The following NSMCE2 variants were observed in gnomAD, a reference collection of about 807,000 sequenced individuals.
NSMCE2 encodes NSE2 SUMO ligase component of SMC5/6 complex, also known as E3 SUMO-protein ligase NSE2.
A neutral mutation model predicts 23.8 loss-of-function variants in NSMCE2; 24 were observed. That is an observed-to-expected ratio of 1.01 (90% CI 0.73 to 1.42). The LOEUF is 1.42. NSMCE2 is among the 40% of genes most tolerant of loss of function. The pLI, the probability that NSMCE2 is intolerant of heterozygous loss-of-function variation, is 0.00. For synonymous variants in NSMCE2, 92 were observed against 94.1 expected (o/e 0.98, Z 0.13); for missense variants, 284 against 296.5 (o/e 0.96, Z 0.31).
intron 5 of NSMCE2, among the ~76,000 whole-genome samples, chr8:125,196,184 C>A (rs181006382): frequency 6.7e-6 from 1 of 150,246 alleles, no homozygotes; most frequent in African/African-American, 2.4e-5. Flanking sequence ...AAGTGCAGCC[C>A]TGGATAACTT....
At chr8:125,144,367 C>T (rs553343420) in intron 3 of NSMCE2, among the ~76,000 whole-genome samples, 2 of 152,338 alleles carry the variant, frequency 1.3e-5, no homozygotes, top group East Asian at 3.9e-4. Flanking sequence ...CCATGCCCAC[C>T]TGGATTTGGG....
chr8:125,356,793 T>C lies in NSMCE2; in HGVS notation c.419-426T>C, dbSNP rs73338860. ...AATTGTAATGACTGTTTATTGATTA[T>C]TGCTTTGTACCATGAGCTGTGCAAA... On this transcript the variant is annotated intron_variant, in intron 5 of 7. Coordinates refer to ENST00000287437, the MANE Select transcript of NSMCE2 (RefSeq NM_173685.4). Among the ~76,000 whole-genome samples the C allele has an allele frequency of 6.3e-3, 956 of 152,316 alleles. 8 individuals carry two copies. The highest frequency in any genetic ancestry group is 0.022 in the African/African-American group (928 of 41,564).
At chr8:125,272,715 T>TAA (rs1343444037) in intron 5 of NSMCE2, among the ~76,000 whole-genome samples, 11 of 122,338 alleles carry the variant, frequency 9.0e-5, no homozygotes, top group South Asian at 2.2e-4. Context: ...TATATATATA[T>TAA]AATATATATA....
intron 4 of NSMCE2, among the ~76,000 whole-genome samples, chr8:125,151,678 C>T (rs938182070): frequency 6.6e-6 from 1 of 152,118 alleles, no homozygotes; most frequent in African/African-American, 2.4e-5. Flanking sequence ...TTGCCAAATT[C>T]TTAGAATCAG....
chr8:125,146,846 T>C (rs1318388668), intron 3 of NSMCE2, among the ~76,000 whole-genome samples: 1 of 151,830 alleles, frequency 6.6e-6, no homozygotes, highest in African/African-American at 2.4e-5. Context: ...TGTATACATA[T>C]GTAACAGACC....
At chr8:125,324,487 G>A (rs1248694556) in intron 5 of NSMCE2, among the ~76,000 whole-genome samples, 1 of 97,366 alleles carries the variant, frequency 1.0e-5, no homozygotes, top group African/African-American at 4.2e-5. Context: ...AAAAAATGAG[G>A]ACTATTGATA....
At chr8:125,122,869 G>A (rs1009791567) in intron 3 of NSMCE2, among the ~76,000 whole-genome samples, 3 of 151,984 alleles carry the variant, frequency 2.0e-5, no homozygotes, top group African/African-American at 7.2e-5. Flanking sequence ...TTGGGGCTTC[G>A]TGTTCCAGTC....
chr8:125,337,978 A>G (rs1487774036), intron 5 of NSMCE2, among the ~76,000 whole-genome samples: 1 of 152,006 alleles, frequency 6.6e-6, no homozygotes, highest in South Asian at 2.1e-4. Flanking sequence ...TTTTTAAGAT[A>G]GTCTGATTCC....
intron 5 of NSMCE2, among the ~76,000 whole-genome samples, chr8:125,228,588 A>G (rs999021107): frequency 6.6e-6 from 1 of 152,220 alleles, no homozygotes. Context: ...AAGGCAGTAC[A>G]GGGCATTTGA....
At chr8:125,295,013 G>A (rs764425442) in intron 5 of NSMCE2, among the ~76,000 whole-genome samples, 4 of 152,072 alleles carry the variant, frequency 2.6e-5, no homozygotes, top group Non-Finnish European at 5.9e-5. Flanking sequence ...TCTCATTGTG[G>A]GCCAATAATC....
At chr8:125,254,072 T>C (rs1409911944) in intron 5 of NSMCE2, among the ~76,000 whole-genome samples, 3 of 152,198 alleles carry the variant, frequency 2.0e-5, no homozygotes, top group African/African-American at 7.2e-5. Context: ...AAACTACCTT[T>C]TTTTATTCAG....
chr8:125,111,720 A>C (rs1818759985), intron 3 of NSMCE2, among the ~76,000 whole-genome samples: 1 of 152,158 alleles, frequency 6.6e-6, no homozygotes. Flanking sequence ...GAATTGCTTG[A>C]ACCCAGGAGG....
At chr8:125,323,686 T>C (rs1382131187) in intron 5 of NSMCE2, among the ~76,000 whole-genome samples, 1 of 152,218 alleles carries the variant, frequency 6.6e-6, no homozygotes, top group African/African-American at 2.4e-5. Flanking sequence ...TAACTCAAAG[T>C]GGATCATATA....
At chr8:125,133,177 TG>T (rs1177784762) in intron 3 of NSMCE2, among the ~76,000 whole-genome samples, 1 of 152,252 alleles carries the variant, frequency 6.6e-6, no homozygotes, top group Non-Finnish European at 1.5e-5. Flanking sequence ...GATGATAATT[TG>T]TAGCTGAAAT....
chr8:125,266,056 A>G (rs1019782529), intron 5 of NSMCE2, among the ~76,000 whole-genome samples: 2 of 150,006 alleles, frequency 1.3e-5, no homozygotes, highest in Non-Finnish European at 3.0e-5. Context: ...AATATAGCTA[A>G]CCCTGTGTGA....
chr8:125,186,212 A>G (rs1823094273), intron 5 of NSMCE2, among the ~76,000 whole-genome samples: 1 of 152,240 alleles, frequency 6.6e-6, no homozygotes, highest in Non-Finnish European at 1.5e-5. Context: ...TCATGGGAAC[A>G]TAGTCATACT....
intron 5 of NSMCE2, among the ~76,000 whole-genome samples, chr8:125,219,920 C>T (rs72720560): frequency 0.097 from 14,799 of 152,198 alleles, 779 homozygotes; most frequent in African/African-American, 0.12. Flanking sequence ...TTTCTTTCTT[C>T]TTCTTTCCTA....
At chr8:125,250,050 C>T (rs1182134772) in intron 5 of NSMCE2, among the ~76,000 whole-genome samples, 1 of 152,148 alleles carries the variant, frequency 6.6e-6, no homozygotes, top group Non-Finnish European at 1.5e-5. Context: ...AGTGCAATGG[C>T]GCAATCTCGG....
At chr8:125,309,248 C>CA (rs111355815) in intron 5 of NSMCE2, among the ~76,000 whole-genome samples, 4,041 of 64,688 alleles carry the variant, frequency 0.062, 117 homozygotes, top group African/African-American at 0.082. Flanking sequence ...AACTCTGTCT[C>CA]AAAAAAAAAA....
Sources: gnomAD v4.1 joint callset for allele counts (sites outside exome capture counted in the v4.1 genomes callset) on GRCh38, gnomAD v4.1.1 for gene constraint, MANE v1.5 for transcripts, NCBI Gene and HGNC (gene_info 2026-07-23, HGNC 2026-07-21) for gene names.